ZC3H14: variants seen among roughly 807,000 people sequenced by gnomAD.
The protein encoded by ZC3H14 is zinc finger CCCH-type containing 14, also known as zinc finger CCCH domain-containing protein 14.
ZC3H14 carries 31 observed loss-of-function variants against 92.4 expected under a neutral mutation model. The ratio of observed to expected loss-of-function variants is 0.34; its 90% CI spans 0.25 to 0.45. The LOEUF is 0.45. Ranked by LOEUF, ZC3H14 falls within the 20% of genes least tolerant of loss-of-function variation. The pLI, the probability that ZC3H14 is intolerant of heterozygous loss-of-function variation, is 1.00. For missense variants in ZC3H14, 781 were observed against 897.3 expected, an observed-to-expected ratio of 0.87 and a Z score of 1.66; for synonymous variants, 321 against 300.9, an observed-to-expected ratio of 1.07 and a Z score of -0.69.
At chr14:88,591,843 A>G (rs1449939494) in intron 9 of ZC3H14, 1 of 152,222 alleles carries the variant, frequency 6.6e-6, no homozygotes, top group African/African-American at 2.4e-5. Flanking sequence ...GTTCCACTTA[A>G]TGTATCATGG....
At chr14:88,574,913 A>G (rs2080960957) in intron 7 of ZC3H14, 60 bp downstream of exon 7, 2 of 1,609,338 alleles carry the variant, frequency 1.2e-6, no homozygotes, top group Admixed American at 3.3e-5. Flanking sequence ...TTCCTGATTT[A>G]TTGAAGAGAA....
intron 16 of ZC3H14, among the ~76,000 whole-genome samples, chr14:88,611,364 G>A (rs1047596127): frequency 2.6e-5 from 4 of 152,016 alleles, no homozygotes; most frequent in Admixed American, 2.6e-4. Context: ...CAAAGTACCA[G>A]GATTACAGGC....
chr14:88,602,606 T>C (rs2084805938), intron 11 of ZC3H14, among the ~76,000 whole-genome samples: 2 of 152,176 alleles, frequency 1.3e-5, no homozygotes, highest in Admixed American at 1.3e-4. Flanking sequence ...CCTTAGTAAG[T>C]ACAGGCTGGA....
chr14:88,571,559 C>T (rs2080396337), intron 4 of ZC3H14, among the ~76,000 whole-genome samples: 2 of 151,992 alleles, frequency 1.3e-5, no homozygotes, highest in African/African-American at 4.8e-5. Context: ...GCTCTTCCCC[C>T]GAAAAATCAC....
In ZC3H14 at chr14:88,619,622, G is replaced by A. The variant is rs1320252773; in HGVS notation, c.*7871G>A. On this transcript the variant is annotated 3_prime_UTR_variant, in exon 17 of 17. Transcript: ENST00000251038. ...GTCTTAATATTAAGCAAAGAACACA[G>A]CCCAGCTTAACTAACCTCCAGTTAT... 2 of 152,186 alleles carry A rather than the reference G, an allele frequency of 1.3e-5. No individual in the cohort carries two copies. The highest frequency in any genetic ancestry group is 6.5e-5 in the Admixed American group (1 of 15,274). The allele number at this position is 152,186 out of a possible 1,614,324, so 9.4% of individuals were successfully genotyped here.
intron 7 of ZC3H14, among the ~76,000 whole-genome samples, chr14:88,575,137 A>G (rs959978870): frequency 1.3e-5 from 2 of 152,130 alleles, no homozygotes; most frequent in African/African-American, 4.8e-5. Flanking sequence ...GTGTTTCACC[A>G]TGTTGGACCA....
At chr14:88,587,275 G>C (rs1418488321) in intron 9 of ZC3H14, among the ~76,000 whole-genome samples, 1 of 151,530 alleles carries the variant, frequency 6.6e-6, no homozygotes, top group African/African-American at 2.4e-5. Flanking sequence ...TGATTCTCCT[G>C]CCTCAGCCTC....
chr14:88,618,135 T>A lies in ZC3H14; in HGVS notation c.*6384T>A, dbSNP rs780617055. ...ACAAAAACTTGAAACTCAATTACTA[T>A]TCCTTATTGGAATGGCTCTAACAGT... On this transcript the variant is annotated 3_prime_UTR_variant, in exon 17 of 17. Coordinates refer to ENST00000251038, the MANE Select transcript of ZC3H14 (RefSeq NM_024824.5). The A allele has an allele frequency of 1.0e-5, 10 of 999,512 alleles. No homozygotes were observed. The highest frequency in any genetic ancestry group is 1.3e-5 in the Non-Finnish European group (9 of 671,138). The allele number at this position is 999,512 out of a possible 1,614,324, so 61.9% of individuals were successfully genotyped here. A position where few individuals can be genotyped will look rare whatever the true frequency, so the allele number is the denominator to read the frequency against.
At position 88,563,334 on chromosome 14, in the gene ZC3H14, A is replaced by G; in HGVS notation, c.36+165A>G. 3 of 1,488,112 alleles carry G rather than the reference A, an allele frequency of 2.0e-6. No homozygotes were observed. In the South Asian group the frequency reaches 4.0e-5, roughly 20 times the overall value. 92.2% of individuals were successfully genotyped at this position (1,488,112 alleles called of 1,614,324 possible). On this transcript the variant is annotated intron_variant, in intron 1 of 16. Coordinates refer to ENST00000251038, the MANE Select transcript of ZC3H14 (RefSeq NM_024824.5). Reference sequence around the variant, plus strand: ...CGTCCAGGCCGCCTCGGCCCTGGGGACATTTGCGGCCTCGGAGCGTGGCTG... The same window carrying G: ...CGTCCAGGCCGCCTCGGCCCTGGGGGCATTTGCGGCCTCGGAGCGTGGCTG...
chr14:88,625,005 T>G lies in ZC3H14; in HGVS notation c.*13254T>G, dbSNP rs774038296. Reference sequence around the variant, plus strand: ...TTCCCCCAGTCACGATAAGTCCATCTCGCAGGGTGGTGTACATGGCAAACA... The same window carrying G: ...TTCCCCCAGTCACGATAAGTCCATCGCGCAGGGTGGTGTACATGGCAAACA... On this transcript the variant is annotated 3_prime_UTR_variant, in exon 17 of 17. Coordinates refer to ENST00000251038, the MANE Select transcript of ZC3H14 (RefSeq NM_024824.5). 2 of 1,613,696 alleles carry G rather than the reference T, an allele frequency of 1.2e-6. No homozygotes were observed. Among genetic ancestry groups the G allele is most frequent in the Non-Finnish European group, 1.7e-6 (2 of 1,179,690 alleles).
intron 16 of ZC3H14, 122 bp from the exon 17 acceptor site, chr14:88,611,623 A>T: frequency 9.0e-7 from 1 of 1,113,188 alleles, no homozygotes; most frequent in Non-Finnish European, 1.3e-6. Context: ...TCTGCCATTT[A>T]TATTGTAATC....
chr14:88,575,228 G>A (rs980802465), intron 7 of ZC3H14, among the ~76,000 whole-genome samples: 4 of 152,004 alleles, frequency 2.6e-5, no homozygotes, highest in South Asian at 2.1e-4. Flanking sequence ...ATGAGCCACC[G>A]CACCTGACAT....
chr14:88,563,531 GCCCCCGCCCGGGGGAT>G (rs1480833036), intron 1 of ZC3H14, 104 bp from the exon 2 acceptor site: 4 of 1,576,934 alleles, frequency 2.5e-6, no homozygotes, highest in Admixed American at 3.4e-5. Flanking sequence ...GCTCCTCCCA[GCCCCCGCCCGGGGGAT>G]CCGAGGTGCG....
intron 14 of ZC3H14, 71 bp from the exon 15 acceptor site, chr14:88,609,641 C>T (rs771559604): frequency 2.3e-5 from 35 of 1,551,210 alleles, no homozygotes; most frequent in Non-Finnish European, 3.0e-5. Flanking sequence ...TCAAAAAAAA[C>T]ATCAGTAGAC....
At chr14:88,603,100 G>T (rs1253642551) in intron 12 of ZC3H14, 40 bp downstream of exon 12, 1 of 1,584,844 alleles carries the variant, frequency 6.3e-7, no homozygotes, top group South Asian at 1.1e-5. Flanking sequence ...CTGTCATTGT[G>T]AAGGGAATCT....
At chr14:88,608,323 A>G in intron 13 of ZC3H14, 2 of 473,152 alleles carry the variant, frequency 4.2e-6, no homozygotes, top group South Asian at 3.1e-5. Flanking sequence ...TACCATCCCC[A>G]TCTCATCCTG....
chr14:88,583,788 T>C (rs959289794), intron 9 of ZC3H14, among the ~76,000 whole-genome samples: 1 of 152,214 alleles, frequency 6.6e-6, no homozygotes, highest in Admixed American at 6.5e-5. Flanking sequence ...GACTAATTAT[T>C]GGATGGGGAA....
chr14:88,612,836 C>T lies in ZC3H14; in HGVS notation c.*1085C>T, dbSNP rs2086986141. ...CTGTTAAGGCAAGAAGTGTCAAATG[C>T]TTTAGAGTTAAATAACAGATCACTG... is the stretch of plus-strand genomic sequence containing the variant. On this transcript the variant is annotated 3_prime_UTR_variant, in exon 17 of 17. Transcript: ENST00000251038. 6.6e-6 allele frequency: 1 copy of T among 152,422 alleles called. No individual in the cohort carries two copies. The highest frequency in any genetic ancestry group is 1.5e-5 in the Non-Finnish European group (1 of 68,012). The allele number at this position is 152,422 out of a possible 1,614,324, so 9.4% of individuals were successfully genotyped here.
At chr14:88,600,001 C>T (rs1267137389) in intron 10 of ZC3H14, among the ~76,000 whole-genome samples, 2 of 152,236 alleles carry the variant, frequency 1.3e-5, no homozygotes, top group Non-Finnish European at 2.9e-5. Context: ...CTGTCACCTT[C>T]GGTTTTGACT....
Sources: allele counts gnomAD v4.1 joint callset (sites outside exome capture counted in the v4.1 genomes callset), GRCh38; gene constraint gnomAD v4.1.1; transcripts MANE v1.5; gene names NCBI Gene and HGNC (gene_info 2026-07-23, HGNC 2026-07-21).